GUCA1C: variants seen among roughly 807,000 people sequenced by gnomAD.
GUCA1C encodes the protein guanylate cyclase activator 1C.
GUCA1C carries 15 observed loss-of-function variants against 16.2 expected under a neutral mutation model. The observed-to-expected ratio is 0.93, with a 90% confidence interval of 0.62 to 1.43. GUCA1C has a LOEUF of 1.43. Ranked by LOEUF, GUCA1C falls within the 40% of genes most tolerant of loss-of-function variation. The probability of loss-of-function intolerance (pLI) is 0.00; values close to 1 mark genes in which losing one functional copy is unlikely to be tolerated. For synonymous variants in GUCA1C, 78 were observed against 85.4 expected (o/e 0.91, Z 0.48); for missense variants, 275 against 244.8 (o/e 1.12, Z -0.82).
chr3:108,939,248 G>A (rs1351210049), intron 1 of GUCA1C, among the ~76,000 whole-genome samples: 1 of 148,324 alleles, frequency 6.7e-6, no homozygotes, highest in African/African-American at 2.5e-5. Flanking sequence ...GAGGTGAGTT[G>A]AGAATGTAGA....
intron 1 of GUCA1C, among the ~76,000 whole-genome samples, chr3:108,935,827 G>A (rs1195192127): frequency 6.6e-6 from 1 of 152,080 alleles, no homozygotes; most frequent in Non-Finnish European, 1.5e-5. Context: ...TCAAAATAAG[G>A]AAAACGAGAG....
chr3:108,954,432 TCTTC>T (rs1946929612), upstream of GUCA1C, among the ~76,000 whole-genome samples: 1 of 152,204 alleles, frequency 6.6e-6, no homozygotes, highest in African/African-American at 2.4e-5. Flanking sequence ...CTGGCAGTGT[TCTTC>T]CTTTCTCTCC....
chr3:108,907,860 T>A lies in GUCA1C; in HGVS notation c.*162A>T. The A allele has an allele frequency of 1.7e-6, 1 of 586,752 alleles. No individual in the cohort carries two copies. The highest frequency in any genetic ancestry group is 2.3e-5 in the South Asian group (1 of 42,610). The allele number at this position is 586,752 out of a possible 1,614,324, so 36.3% of individuals were successfully genotyped here. ...AAAGCAACAATGCATCTGTTTAGGA[T>A]CTTTATGCAAGTCTCTACTGGATTA... is the stretch of plus-strand genomic sequence containing the variant. On this transcript the variant is annotated 3_prime_UTR_variant, in exon 4 of 4. Coordinates refer to ENST00000261047, the MANE Select transcript of GUCA1C (RefSeq NM_005459.4).
chr3:108,939,815 C>T (rs1946767980), intron 1 of GUCA1C, among the ~76,000 whole-genome samples: 1 of 152,108 alleles, frequency 6.6e-6, no homozygotes, highest in South Asian at 2.1e-4. Context: ...TGTGTGGCTA[C>T]ACATTAGAAT....
chr3:108,938,059 TAAA>T (rs113160708), intron 1 of GUCA1C, among the ~76,000 whole-genome samples: 1 of 141,826 alleles, frequency 7.1e-6, no homozygotes. Flanking sequence ...AGACTCTGTC[TAAA>T]AAAAAAAACA....
chr3:108,922,180 CACACACACACACACACACACACATAT>C (rs753235234), intron 1 of GUCA1C, among the ~76,000 whole-genome samples: 25 of 145,972 alleles, frequency 1.7e-4, no homozygotes, highest in Non-Finnish European at 2.0e-4. Flanking sequence ...CACACACACA[CACACACACACACACACACACACATAT>C]ATATATGGAT....
chr3:108,953,299 T>C (rs1372504767), intron 1 of GUCA1C, among the ~76,000 whole-genome samples: 4 of 152,138 alleles, frequency 2.6e-5, no homozygotes, highest in Non-Finnish European at 5.9e-5. Flanking sequence ...CATGCCGAGA[T>C]TTAATCTGGT....
chr3:108,953,906 A>G (rs763596279), upstream of GUCA1C: 13 of 613,962 alleles, frequency 2.1e-5, no homozygotes, highest in Non-Finnish European at 3.5e-5. Flanking sequence ...CAAGCTAAAT[A>G]AGAATAGAAA....
At chr3:108,932,461 T>C (rs1946679016) in intron 1 of GUCA1C, among the ~76,000 whole-genome samples, 1 of 152,140 alleles carries the variant, frequency 6.6e-6, no homozygotes, top group Non-Finnish European at 1.5e-5. Context: ...AAGCTGTTTT[T>C]CTAATCCACA....
chr3:108,911,633 G>A (rs1170926537), intron 3 of GUCA1C, among the ~76,000 whole-genome samples: 1 of 152,160 alleles, frequency 6.6e-6, no homozygotes, highest in Non-Finnish European at 1.5e-5. Flanking sequence ...TTTCCTCTAC[G>A]TGGAAACTCA....
intron 2 of GUCA1C, among the ~76,000 whole-genome samples, chr3:108,916,548 A>T (rs1946517611): frequency 1.3e-5 from 2 of 152,208 alleles, no homozygotes; most frequent in South Asian, 4.1e-4. Flanking sequence ...GAAAACAGAT[A>T]TTGCTCTCAA....
intron 1 of GUCA1C, among the ~76,000 whole-genome samples, chr3:108,952,866 C>T (rs1559850440): frequency 6.8e-6 from 1 of 147,974 alleles, no homozygotes; most frequent in African/African-American, 2.5e-5. Flanking sequence ...TTTTGTCTCT[C>T]TTTTTTTTTT....
intron 1 of GUCA1C, among the ~76,000 whole-genome samples, chr3:108,947,374 T>C (rs550246150): frequency 6.6e-6 from 1 of 152,174 alleles, no homozygotes; most frequent in Admixed American, 6.5e-5. Context: ...GAGGGGTTGG[T>C]TTTGCTGTCT....
intron 1 of GUCA1C, among the ~76,000 whole-genome samples, chr3:108,939,586 C>CAT (rs1946764663): frequency 6.6e-6 from 1 of 151,606 alleles, no homozygotes; most frequent in South Asian, 2.1e-4. Context: ...CTCAGCCTCC[C>CAT]AAAGTGTTGG....
chr3:108,932,976 A>G (rs1946686100), intron 1 of GUCA1C, among the ~76,000 whole-genome samples: 1 of 151,870 alleles, frequency 6.6e-6, no homozygotes, highest in Non-Finnish European at 1.5e-5. Flanking sequence ...TTAATTTCAA[A>G]ATAATGGAAG....
chr3:108,952,038 G>GA (rs2107322366), intron 1 of GUCA1C, among the ~76,000 whole-genome samples: 2 of 152,332 alleles, frequency 1.3e-5, no homozygotes, highest in Admixed American at 1.3e-4. Context: ...AACGCCTTTG[G>GA]ATAATAACTG....
chr3:108,933,522 T>G (rs1285574702), intron 1 of GUCA1C, among the ~76,000 whole-genome samples: 1 of 151,958 alleles, frequency 6.6e-6, no homozygotes, highest in African/African-American at 2.4e-5. Flanking sequence ...AGGAAAGAAA[T>G]AAAAACTATA....
intron 1 of GUCA1C, among the ~76,000 whole-genome samples, chr3:108,942,616 G>A (rs1208339349): frequency 6.6e-6 from 1 of 152,104 alleles, no homozygotes; most frequent in African/African-American, 2.4e-5. Context: ...ATTCCCCTAG[G>A]GGACCCTTCA....
chr3:108,936,630 C>T (rs372854117), intron 1 of GUCA1C, among the ~76,000 whole-genome samples: 24 of 152,286 alleles, frequency 1.6e-4, no homozygotes, highest in Middle Eastern at 3.4e-3. Context: ...CTAGGAGAGG[C>T]GTCACAGACT....
Sources: gnomAD v4.1 joint callset for allele counts (sites outside exome capture counted in the v4.1 genomes callset) on GRCh38, gnomAD v4.1.1 for gene constraint, MANE v1.5 for transcripts, NCBI Gene and HGNC (gene_info 2026-07-23, HGNC 2026-07-21) for gene names.